Variants in RARS1 observed in about 807,000 individuals in gnomAD.
RARS1 encodes the protein arginine--tRNA ligase, cytoplasmic.
A neutral mutation model predicts 78.7 loss-of-function variants in RARS1; 75 were observed. The ratio of observed to expected loss-of-function variants is 0.95; its 90% CI spans 0.79 to 1.15. The LOEUF is 1.15. RARS1 is among the 50% of genes most tolerant of loss of function. RARS1 has a pLI of 0.00. For missense variants in RARS1, 787 were observed against 787.5 expected (o/e 1.00, Z 0.01); for synonymous variants, 273 against 268.2 (o/e 1.02, Z -0.18).
intron 2 of RARS1, among the ~76,000 whole-genome samples, chr5:168,490,812 A>C (rs1321751981): frequency 6.6e-6 from 1 of 152,210 alleles, no homozygotes; most frequent in African/African-American, 2.4e-5. Flanking sequence ...ACACATACAT[A>C]TGTACATGGT....
At position 168,494,640 on chromosome 5, in the gene RARS1, A is replaced by G. The variant is rs1242619448; in HGVS notation, c.569A>G (p.Glu190Gly). Residue 190 changes from glutamate (E) to glycine (G), a missense_variant, in exon 5 of 15, where the codon GAG becomes GGG. Glu to Gly is a moderately conservative substitution (Grantham distance 98). Coordinates refer to ENST00000231572, the MANE Select transcript of RARS1 (RefSeq NM_002887.4). Reference protein sequence around the residue: ...VNGVQLPALGENKKVIVDFSS... With the variant: ...VNGVQLPALGGNKKVIVDFSS... The stretch of plus-strand genomic sequence containing the variant: ...GGAGTTCAACTACCTGCTCTGGGAG[A>G]GAATAAAAAGGTATATGTACACTCT... 1.3e-6 allele frequency: 2 copies of G among 1,581,728 alleles called. No homozygotes were observed. The highest frequency in any genetic ancestry group is 2.7e-5 in the African/African-American group (2 of 74,174).
intron 6 of RARS1, among the ~76,000 whole-genome samples, chr5:168,496,799 A>T (rs921793129): frequency 6.6e-6 from 1 of 152,174 alleles, no homozygotes; most frequent in Admixed American, 6.5e-5. Flanking sequence ...ATATATTTTC[A>T]AGAATTTTGT....
intron 6 of RARS1, chr5:168,496,931 A>G (rs575051997): frequency 4.1e-6 from 1 of 243,616 alleles, no homozygotes; most frequent in African/African-American, 2.2e-5. Context: ...AATTAGCTAC[A>G]AAATAAACAG....
rs1743219931 is a variant in RARS1, at chr5:168,497,887, C to T, written c.822+539C>T. The T allele has an allele frequency of 1.3e-5, 2 of 151,452 alleles. 1 individual carries two copies. Among genetic ancestry groups the T allele is most frequent in the Middle Eastern group, 6.3e-3 (2 of 316 alleles). The allele number at this position is 151,452 out of a possible 1,614,324, so 9.4% of individuals were successfully genotyped here. ...TGTATGCATAGAAACAGCCATCCCC[C>T]ACCTGTTAATATGTCATCTTTGCTT... is the stretch of plus-strand genomic sequence containing the variant. On this transcript the variant is annotated intron_variant, in intron 7 of 14. Transcript: ENST00000231572.
chr5:168,492,600 A>T, intron 2 of RARS1, 59 bp from the exon 3 acceptor site: 1 of 1,364,590 alleles, frequency 7.3e-7, no homozygotes, highest in South Asian at 1.3e-5. Context: ...ATTTGGAGAC[A>T]TCTTGTATGA....
chr5:168,504,585 G>A (rs1394183767), intron 9 of RARS1, among the ~76,000 whole-genome samples: 1 of 151,642 alleles, frequency 6.6e-6, no homozygotes, highest in Non-Finnish European at 1.5e-5. Context: ...CCAGCACTTT[G>A]GGAGGCCGAG....
chr5:168,486,508 C>A lies in RARS1; in HGVS notation c.10C>A (p.Leu4Met). ...AGACGCTGATGGGAGGATGGACGTA[C>A]TGGTGTCTGAGTGCTCCGCGCGGCT... The part of the protein sequence containing the change: MDV[L>M]VSECSARLLQ... The change falls in exon 1 of 15, where the codon CTG (leucine) becomes ATG (methionine). Residue 4 changes from leucine (L) to methionine (M), a missense_variant. By Grantham distance (15) the Leu-to-Met change is conservative. Coordinates refer to ENST00000231572, the MANE Select transcript of RARS1 (RefSeq NM_002887.4). 1 of 1,559,066 alleles carries A rather than the reference C, an allele frequency of 6.4e-7. No individual in the cohort carries two copies. Among genetic ancestry groups the A allele is most frequent in the East Asian group, 2.4e-5 (1 of 42,238 alleles).
At chr5:168,515,568 C>T (rs1045819022) in intron 12 of RARS1, among the ~76,000 whole-genome samples, 4 of 152,168 alleles carry the variant, frequency 2.6e-5, no homozygotes, top group East Asian at 3.9e-4. Flanking sequence ...CTCCAGAGAC[C>T]GTTATGTTTT....
rs1758440826 is a variant in RARS1, at chr5:168,506,190, C to CA, written c.1229dup (p.Asn410LysfsTer21). ...CAGATATGATTATCTATGTTGTGGA[C>CA]AATGGACAAGTGAGTTTGTAAATTT... is the stretch of plus-strand genomic sequence containing the variant. On this transcript the variant is annotated frameshift_variant, in exon 10 of 15. Coordinates refer to ENST00000231572, the MANE Select transcript of RARS1 (RefSeq NM_002887.4). LOFTEE classifies it high-confidence loss of function. 6.4e-7 allele frequency: 1 copy of CA among 1,567,186 alleles called. No individual in the cohort carries two copies. The highest frequency in any genetic ancestry group is 2.0e-5 in the Admixed American group (1 of 51,254).
intron 5 of RARS1, chr5:168,494,942 A>G (rs1208154007): frequency 8.6e-6 from 3 of 348,882 alleles, no homozygotes; most frequent in Non-Finnish European, 1.0e-5. Context: ...TTAATCATTC[A>G]CATTTGAGAT....
intron 5 of RARS1, 29 bp downstream of exon 5, chr5:168,494,679 T>A (rs1160535602): frequency 1.4e-6 from 2 of 1,424,714 alleles, no homozygotes; most frequent in African/African-American, 2.8e-5. Context: ...ATTAATATAT[T>A]AGTATCTTAG....
chr5:168,513,931 A>T (rs1309067936), intron 12 of RARS1, among the ~76,000 whole-genome samples: 1 of 152,076 alleles, frequency 6.6e-6, no homozygotes, highest in African/African-American at 2.4e-5. Flanking sequence ...TTGGGTATAG[A>T]ATTCTAGTTT....
At chr5:168,516,715 T>G in intron 12 of RARS1, 63 bp from the exon 13 acceptor site, 61 of 1,533,656 alleles carry the variant, frequency 4.0e-5, no homozygotes, top group Non-Finnish European at 5.0e-5. Context: ...CTTATGCCTA[T>G]GAGACACCAG....
At chr5:168,491,662 T>C (rs958345201) in intron 2 of RARS1, among the ~76,000 whole-genome samples, 2 of 152,224 alleles carry the variant, frequency 1.3e-5, no homozygotes, top group African/African-American at 4.8e-5. Context: ...ACAAGTGACT[T>C]ATCTGTAGCC....
chr5:168,496,747 G>C (rs1758199086), intron 6 of RARS1, among the ~76,000 whole-genome samples: 2 of 152,124 alleles, frequency 1.3e-5, no homozygotes, highest in South Asian at 4.1e-4. Flanking sequence ...GCCTCCCATA[G>C]TGCTGGGATT....
rs1758739703 is a variant in RARS1, at chr5:168,519,255, A to AAAG, written c.*65_*66insAAG. ...GGCCATTGGCACTGTTTGCTTTTTT[A>AAAG]CAATCATGTGGACACAAGCATAAGT... On this transcript the variant is annotated 3_prime_UTR_variant, in exon 15 of 15. Transcript: ENST00000231572. The AAAG allele has an allele frequency of 7.9e-7, 1 of 1,271,190 alleles. No individual in the cohort carries two copies. The highest frequency in any genetic ancestry group is 1.1e-6 in the Non-Finnish European group (1 of 883,602). The allele number at this position is 1,271,190 out of a possible 1,614,324, so 78.7% of individuals were successfully genotyped here.
chr5:168,486,667 G>C, intron 1 of RARS1, 124 bp downstream of exon 1: 1 of 999,564 alleles, frequency 1.0e-6, no homozygotes. Flanking sequence ...AGAGTGGAGC[G>C]GCACGGTCCC....
At chr5:168,490,609 CA>C (rs1487639471) in intron 2 of RARS1, among the ~76,000 whole-genome samples, 2 of 152,180 alleles carry the variant, frequency 1.3e-5, no homozygotes, top group Non-Finnish European at 2.9e-5. Flanking sequence ...CTAAAAACCA[CA>C]GAGTAATAAA....
intron 12 of RARS1, among the ~76,000 whole-genome samples, chr5:168,512,144 C>T (rs1758575381): frequency 6.6e-6 from 1 of 152,166 alleles, no homozygotes; most frequent in African/African-American, 2.4e-5. Flanking sequence ...AGCCACCACA[C>T]CCAGCTGTAG....
Sources: allele counts gnomAD v4.1 joint callset (sites outside exome capture counted in the v4.1 genomes callset), GRCh38; gene constraint gnomAD v4.1.1; transcripts MANE v1.5; gene names NCBI Gene and HGNC (gene_info 2026-07-23, HGNC 2026-07-21).